Variants in IL1RAPL2 observed in about 807,000 individuals in gnomAD.
The protein encoded by IL1RAPL2 is interleukin 1 receptor accessory protein like 2.
In IL1RAPL2, 3 loss-of-function variants were observed where a neutral mutation model predicts 44.1. The ratio of observed to expected loss-of-function variants is 0.07; its 90% CI spans 0.03 to 0.18. The LOEUF is 0.18. IL1RAPL2 is among the 10% of genes least tolerant of loss of function. The pLI is 1.00. For missense variants in IL1RAPL2, 391 were observed against 496.4 expected (o/e 0.79, Z 2.02); for synonymous variants, 181 against 178.8 (o/e 1.01, Z -0.10).
intron 2 of IL1RAPL2, among the ~76,000 whole-genome samples, chrX:104,686,217 A>G (rs1015151837): frequency 6.3e-5 from 7 of 111,162 alleles, no homozygotes; most frequent in African/African-American, 2.3e-4. Flanking sequence ...CTCTTATTTC[A>G]CTTTTCCACT....
intron 2 of IL1RAPL2, among the ~76,000 whole-genome samples, chrX:105,188,890 A>G (rs1556135555): frequency 8.9e-6 from 1 of 112,210 alleles, no homozygotes; most frequent in Admixed American, 9.5e-5. Flanking sequence ...AAAAATGACA[A>G]AAGCTCTGTC....
intron 2 of IL1RAPL2, among the ~76,000 whole-genome samples, chrX:105,030,247 T>G (rs1398372181): frequency 9.0e-6 from 1 of 111,433 alleles, no homozygotes; most frequent in African/African-American, 3.3e-5. Context: ...CTCTTTAGTT[T>G]AATTAGATCC....
chrX:104,872,097 G>A (rs1163776433), intron 2 of IL1RAPL2, among the ~76,000 whole-genome samples: 2 of 111,939 alleles, frequency 1.8e-5, no homozygotes, highest in Admixed American at 9.5e-5. Flanking sequence ...TGCATAAAAT[G>A]CTAAAGAAAA....
At chrX:104,595,466 A>C (rs1417935644) in intron 1 of IL1RAPL2, among the ~76,000 whole-genome samples, 1 of 111,612 alleles carries the variant, frequency 9.0e-6, no homozygotes, top group Admixed American at 9.5e-5. Context: ...AGATTTAAAA[A>C]TCTTGCAATT....
intron 2 of IL1RAPL2, among the ~76,000 whole-genome samples, chrX:105,058,909 G>A (rs1019658143): frequency 1.8e-5 from 2 of 111,631 alleles, no homozygotes; most frequent in African/African-American, 6.5e-5. Context: ...CCTAATTACA[G>A]TTAACCCTTG....
chrX:105,640,787 T>G (rs187531885), intron 6 of IL1RAPL2, among the ~76,000 whole-genome samples: 2 of 71,272 alleles, frequency 2.8e-5, no homozygotes, highest in African/African-American at 1.1e-4. Context: ...GATATAGATA[T>G]AGATATAGAT....
chrX:105,416,102 A>T (rs1001462877), intron 5 of IL1RAPL2, among the ~76,000 whole-genome samples: 1 of 112,137 alleles, frequency 8.9e-6, no homozygotes, highest in African/African-American at 3.2e-5. Context: ...TTTGTTAGTT[A>T]TAGATAGATA....
chrX:105,149,766 G>A (rs1241282016), intron 2 of IL1RAPL2, among the ~76,000 whole-genome samples: 1 of 110,076 alleles, frequency 9.1e-6, no homozygotes, highest in Non-Finnish European at 1.9e-5. Context: ...CCTGGGAGGC[G>A]GAGATTGCAA....
At chrX:104,981,539 T>TC (rs1421188017) in intron 2 of IL1RAPL2, among the ~76,000 whole-genome samples, 2 of 111,265 alleles carry the variant, frequency 1.8e-5, no homozygotes, top group Non-Finnish European at 3.8e-5. Context: ...AAGTTTGATT[T>TC]CCTCTCTTCT....
intron 3 of IL1RAPL2, among the ~76,000 whole-genome samples, chrX:105,230,429 A>C (rs1556194529): frequency 9.2e-6 from 1 of 108,454 alleles, no homozygotes; most frequent in Non-Finnish European, 1.9e-5. Flanking sequence ...GTAAATTATA[A>C]GTATTATATA....
chrX:105,593,702 A>G (rs1272888727), intron 6 of IL1RAPL2, among the ~76,000 whole-genome samples: 1 of 109,317 alleles, frequency 9.1e-6, no homozygotes, highest in Admixed American at 9.7e-5. Context: ...TCAACTCATC[A>G]CTCCTGGGCT....
chrX:105,703,081 G>T (rs1438678566), intron 6 of IL1RAPL2, among the ~76,000 whole-genome samples: 1 of 111,512 alleles, frequency 9.0e-6, no homozygotes, highest in Non-Finnish European at 1.9e-5. Flanking sequence ...TTAAGATCAG[G>T]ACCTGAAAAT....
At chrX:105,733,855 T>TTTTTG (rs1340902641) in intron 7 of IL1RAPL2, among the ~76,000 whole-genome samples, 1 of 111,923 alleles carries the variant, frequency 8.9e-6, no homozygotes, top group East Asian at 2.8e-4. Context: ...CTGTGGGGAT[T>TTTTTG]TTTTGTTTTG....
At chrX:104,607,724 A>G (rs1272462568) in intron 1 of IL1RAPL2, among the ~76,000 whole-genome samples, 1 of 111,654 alleles carries the variant, frequency 9.0e-6, no homozygotes, top group African/African-American at 3.3e-5. Flanking sequence ...AAAAGTCAGG[A>G]AAAAAAAGAT....
intron 2 of IL1RAPL2, among the ~76,000 whole-genome samples, chrX:104,813,693 T>A (rs1921059784): frequency 9.0e-6 from 1 of 111,505 alleles, no homozygotes; most frequent in Admixed American, 9.5e-5. Flanking sequence ...TTCTTTTCAT[T>A]ATTATTATCT....
chrX:105,305,826 G>A (rs1042666950), intron 5 of IL1RAPL2, among the ~76,000 whole-genome samples: 3 of 111,598 alleles, frequency 2.7e-5, no homozygotes, highest in African/African-American at 6.5e-5. Context: ...ACCTGTAAGG[G>A]ACATCTGCTC....
rs6652400 is a variant in IL1RAPL2 at position 105,588,655 on chromosome X, C to A, written c.772+104268C>A. Among the ~76,000 whole-genome samples, 760 of 111,731 alleles carry A rather than the reference C, an allele frequency of 6.8e-3. 6 individuals carry two copies. The highest frequency in any genetic ancestry group is 0.023 in the African/African-American group (713 of 30,738). On this transcript the variant is annotated intron_variant, in intron 6 of 10. Transcript: ENST00000372582. ...AACATGCAGTATTTTGTTTTCTGTT[C>A]CTGTGTTAATTCATTTAGGATGATG...
At chrX:105,179,355 A>C (rs1350100843) in intron 2 of IL1RAPL2, among the ~76,000 whole-genome samples, 1 of 111,815 alleles carries the variant, frequency 8.9e-6, no homozygotes, top group Non-Finnish European at 1.9e-5. Context: ...CTGTGTGTCT[A>C]TTTGTATACC....
At chrX:104,644,225 T>G (rs1279310194) in intron 1 of IL1RAPL2, among the ~76,000 whole-genome samples, 1 of 111,742 alleles carries the variant, frequency 8.9e-6, no homozygotes, top group Non-Finnish European at 1.9e-5. Context: ...ATGACTCAAT[T>G]GGAAACAAAG....
Sources: gnomAD v4.1 joint callset for allele counts (sites outside exome capture counted in the v4.1 genomes callset) on GRCh38, gnomAD v4.1.1 for gene constraint, MANE v1.5 for transcripts, NCBI Gene and HGNC (gene_info 2026-07-23, HGNC 2026-07-21) for gene names.